The following SLC38A1 variants were observed in gnomAD, a reference collection of about 807,000 sequenced individuals.
SLC38A1 encodes solute carrier family 38 member 1.
SLC38A1 carries 18 observed loss-of-function variants against 60.3 expected under a neutral mutation model. That is an observed-to-expected ratio of 0.30 (90% CI 0.21 to 0.44). SLC38A1 has a LOEUF of 0.44. Ranked by LOEUF, SLC38A1 falls within the 20% of genes least tolerant of loss-of-function variation. The pLI is 1.00. For synonymous variants in SLC38A1, 196 were observed against 212.1 expected (o/e 0.92, Z 0.66); for missense variants, 448 against 587.2 (o/e 0.76, Z 2.45).
At chr12:46,202,947 A>G in intron 12 of SLC38A1, 63 bp downstream of exon 12, 2 of 1,243,854 alleles carry the variant, frequency 1.6e-6, no homozygotes, top group South Asian at 1.3e-5. Context: ...TTTTAATTGC[A>G]TACTTGCCTA....
intron 5 of SLC38A1, among the ~76,000 whole-genome samples, chr12:46,213,503 T>C (rs369593971): frequency 6.6e-6 from 1 of 152,254 alleles, no homozygotes; most frequent in African/African-American, 2.4e-5. Flanking sequence ...CAACCTTGAA[T>C]AGAACAAGAC....
chr12:46,229,345 C>T, intron 4 of SLC38A1, 77 bp from the exon 5 acceptor site: 1 of 973,216 alleles, frequency 1.0e-6, no homozygotes, highest in African/African-American at 1.6e-5. Context: ...CTTTAATGCA[C>T]TCTCAGGAAC....
chr12:46,260,846 C>T (rs183681563), intron 1 of SLC38A1, among the ~76,000 whole-genome samples: 24 of 152,244 alleles, frequency 1.6e-4, no homozygotes, highest in Admixed American at 5.9e-4. Context: ...AGTCACTCTC[C>T]GCCACGCTAC....
At chr12:46,200,989 G>T in intron 13 of SLC38A1, 109 bp downstream of exon 13, 1 of 786,080 alleles carries the variant, frequency 1.3e-6, no homozygotes, top group Non-Finnish European at 2.1e-6. Context: ...AAAACCAATG[G>T]ATAGCTTTGT....
rs117689574 is a variant in SLC38A1, at chr12:46,190,101, C to T, written c.1363-1030G>A. On this transcript the variant is annotated intron_variant, in intron 16 of 16. Coordinates refer to ENST00000398637, the MANE Select transcript of SLC38A1 (RefSeq NM_030674.4). Reference sequence around the variant, plus strand: ...ATCCCTCCCCGGGCCCCCCACCCCACGACAGGCCCTGGTGTGTGATATTCT... The same window carrying T: ...ATCCCTCCCCGGGCCCCCCACCCCATGACAGGCCCTGGTGTGTGATATTCT... 8.2e-3 allele frequency among the ~76,000 whole-genome samples: 1,253 copies of T among 152,236 alleles called. 36 individuals are homozygous for T. The highest frequency in any genetic ancestry group is 0.08 in the South Asian group (387 of 4,824).
chr12:46,185,240 A>T lies in SLC38A1; in HGVS notation c.*3730T>A, dbSNP rs1938894904. ...CTGCATTCTAATGAGGTCCCCGATG[A>T]TGCTGATGCTACTGGTCTAGGGGCC... On this transcript the variant is annotated 3_prime_UTR_variant, in exon 17 of 17. Coordinates refer to ENST00000398637, the MANE Select transcript of SLC38A1 (RefSeq NM_030674.4). 6.6e-6 allele frequency: 1 copy of T among 152,236 alleles called. No individual in the cohort carries two copies. The highest frequency in any genetic ancestry group is 1.5e-5 in the Non-Finnish European group (1 of 68,106). 9.4% of individuals were successfully genotyped at this position (152,236 alleles called of 1,614,324 possible).
At chr12:46,254,776 T>C (rs887496684) in intron 1 of SLC38A1, 1 of 152,818 alleles carries the variant, frequency 6.5e-6, no homozygotes, top group Non-Finnish European at 1.5e-5. Flanking sequence ...ATTGCACTTA[T>C]GCAAATAACT....
chr12:46,262,826 A>G (rs369557792), intron 1 of SLC38A1, among the ~76,000 whole-genome samples: 12 of 152,240 alleles, frequency 7.9e-5, no homozygotes, highest in African/African-American at 2.9e-4. Context: ...GACACTATAT[A>G]ATTCAATACC....
intron 1 of SLC38A1, among the ~76,000 whole-genome samples, chr12:46,260,924 C>T (rs1167035427): frequency 1.3e-5 from 2 of 152,162 alleles, no homozygotes; most frequent in African/African-American, 4.8e-5. Context: ...TTGCACATTC[C>T]TCTTTCTGCC....
intron 16 of SLC38A1, among the ~76,000 whole-genome samples, chr12:46,195,149 T>C (rs1939310538): frequency 1.3e-5 from 2 of 152,242 alleles, no homozygotes; most frequent in Admixed American, 1.3e-4. Context: ...TTGATGTTGA[T>C]GCTATTGCTT....
chr12:46,265,886 A>G (rs961234783), intron 1 of SLC38A1, among the ~76,000 whole-genome samples: 6 of 152,170 alleles, frequency 3.9e-5, no homozygotes, highest in Admixed American at 1.3e-4. Flanking sequence ...GCACCTCTAT[A>G]TCTGTTTCAT....
rs761942972 is a variant in SLC38A1 at position 46,204,608 on chromosome 12, A to T, written c.647-18T>A. 6.4e-7 allele frequency: 1 copy of T among 1,570,046 alleles called. No homozygotes were observed. Among genetic ancestry groups the T allele is most frequent in the East Asian group, 2.3e-5 (1 of 44,396 alleles). On this transcript the variant is annotated intron_variant, in intron 9 of 16. Coordinates refer to ENST00000398637, the MANE Select transcript of SLC38A1 (RefSeq NM_030674.4). ...AAGATACCCTTTAAAAAAAAGTAAA[A>T]AATAAATTATTTCATTTTTTTCCAT... is the stretch of plus-strand genomic sequence containing the variant.
chr12:46,244,122 T>C (rs893756102), intron 1 of SLC38A1, among the ~76,000 whole-genome samples: 12 of 152,008 alleles, frequency 7.9e-5, no homozygotes, highest in African/African-American at 2.9e-4. Flanking sequence ...GAGACACACA[T>C]ACCTACACAG....
intron 1 of SLC38A1, among the ~76,000 whole-genome samples, chr12:46,266,641 G>T (rs913456680): frequency 2.0e-5 from 3 of 151,862 alleles, no homozygotes; most frequent in African/African-American, 7.3e-5. Flanking sequence ...AAGAATACCT[G>T]AAATGTATAT....
intron 1 of SLC38A1, among the ~76,000 whole-genome samples, chr12:46,243,960 G>A (rs1941531214): frequency 6.6e-6 from 1 of 152,148 alleles, no homozygotes. Flanking sequence ...TAGATCAAAG[G>A]AGAGGATACA....
In SLC38A1 at chr12:46,185,628, G is replaced by A. The variant is rs61923106; in HGVS notation, c.*3342C>T. The A allele has an allele frequency of 0.075, 11,369 of 152,056 alleles. 591 individuals are homozygous for A. The highest frequency in any genetic ancestry group is 0.16 in the South Asian group (751 of 4,816). 9.4% of individuals were successfully genotyped at this position (152,056 alleles called of 1,614,324 possible). A position where few individuals can be genotyped will look rare whatever the true frequency, so the allele number is the denominator to read the frequency against. ...CTATGCAGCAGCATCCTTTTCTGTG[G>A]TGGGCAGGGCAGGAGATGAACCATA... is the stretch of plus-strand genomic sequence containing the variant. On this transcript the variant is annotated 3_prime_UTR_variant, in exon 17 of 17. Transcript: ENST00000398637.
At chr12:46,242,622 AC>A (rs149619359) in intron 2 of SLC38A1, among the ~76,000 whole-genome samples, 5,480 of 152,142 alleles carry the variant, frequency 0.036, 277 homozygotes, top group East Asian at 0.25. Flanking sequence ...CAACAAAAAA[AC>A]AAAACAACAA....
chr12:46,237,465 A>G (rs977939372), intron 3 of SLC38A1, among the ~76,000 whole-genome samples: 1 of 149,066 alleles, frequency 6.7e-6, no homozygotes, highest in Non-Finnish European at 1.5e-5. Context: ...GAACTGAGTC[A>G]GAGAAGGAGG....
chr12:46,229,555 G>A lies in SLC38A1; in HGVS notation c.198+9C>T. On this transcript the variant is annotated intron_variant, in intron 4 of 16. Coordinates refer to ENST00000398637, the MANE Select transcript of SLC38A1 (RefSeq NM_030674.4). Reference sequence around the variant, plus strand: ...AAAAATAAGCATACTTCATTATAATGATACTTACATACTCATCACACTTCT... The same window carrying A: ...AAAAATAAGCATACTTCATTATAATAATACTTACATACTCATCACACTTCT... The A allele has an allele frequency of 6.3e-7, 1 of 1,588,856 alleles. No homozygotes were observed. The highest frequency in any genetic ancestry group is 8.6e-7 in the Non-Finnish European group (1 of 1,157,980).
Sources: allele counts gnomAD v4.1 joint callset (sites outside exome capture counted in the v4.1 genomes callset), GRCh38; gene constraint gnomAD v4.1.1; transcripts MANE v1.5; gene names NCBI Gene and HGNC (gene_info 2026-07-23, HGNC 2026-07-21).